Variants in BRI3 observed in about 807,000 individuals in gnomAD.
BRI3 encodes membrane protein BRI3.
Under a neutral mutation model 12.8 loss-of-function variants are expected in BRI3, and 6 were observed. That is an observed-to-expected ratio of 0.47 (90% CI 0.26 to 0.93). The LOEUF (loss-of-function observed/expected upper bound fraction) is 0.93. Among genes scored for constraint, BRI3 ranks in the 40% least tolerant of loss-of-function variants. The pLI, the probability that BRI3 is intolerant of heterozygous loss-of-function variation, is 0.15. For synonymous variants in BRI3, 91 were observed against 76.1 expected, an observed-to-expected ratio of 1.20 and a Z score of -1.02; for missense variants, 134 against 171.1, an observed-to-expected ratio of 0.78 and a Z score of 1.21.
chr7:98,311,788 C>T (rs529569069), downstream of BRI3, among the ~76,000 whole-genome samples: 77 of 152,112 alleles, frequency 5.1e-4, no homozygotes, highest in Admixed American at 2.2e-3. Context: ...CCCCAGTAAT[C>T]CCAGCTACTG....
chr7:98,320,180 A>G, the BRI3 span: 7 of 1,590,784 alleles, frequency 4.4e-6, no homozygotes, highest in East Asian at 2.2e-5. Flanking sequence ...TTTAAGCAAA[A>G]TAAGTTCTAA....
intron 1 of BRI3, 22 bp downstream of exon 1, chr7:98,281,959 C>T: frequency 7.8e-7 from 1 of 1,289,960 alleles, no homozygotes; most frequent in Non-Finnish European, 9.8e-7. Context: ...ACCAACTTTC[C>T]CCGCCGGCGG....
downstream of BRI3, among the ~76,000 whole-genome samples, chr7:98,296,080 AG>A: frequency 6.6e-6 from 1 of 152,226 alleles, no homozygotes; most frequent in East Asian, 1.9e-4. Flanking sequence ...TGGGAGAGTC[AG>A]AACCAGCTTC....
chr7:98,300,790 G>A (rs1200436633), intron 1 of BRI3, among the ~76,000 whole-genome samples: 1 of 152,128 alleles, frequency 6.6e-6, no homozygotes, highest in African/African-American at 2.4e-5. Context: ...CCAGGCAGCA[G>A]TGTGGAGGCT....
chr7:98,301,273 C>A (rs1800407757), intron 1 of BRI3, among the ~76,000 whole-genome samples: 1 of 152,216 alleles, frequency 6.6e-6, no homozygotes, highest in Non-Finnish European at 1.5e-5. Flanking sequence ...GATGGGCCTT[C>A]TCATCGATTT....
downstream of BRI3, chr7:98,292,167 C>G (rs900180595): frequency 1.9e-5 from 3 of 157,172 alleles, no homozygotes; most frequent in African/African-American, 7.2e-5. Flanking sequence ...TGTAACCTTT[C>G]CCAATCTCAG....
the BRI3 span, chr7:98,315,626 A>AG: frequency 1.9e-6 from 2 of 1,077,250 alleles, no homozygotes; most frequent in East Asian, 3.3e-5. Context: ...AAAAAAAAAA[A>AG]ATAATAATAA....
chr7:98,281,708 C>A lies in BRI3; in HGVS notation c.-88C>A. On this transcript the variant is annotated 5_prime_UTR_variant, in exon 1 of 3. Coordinates refer to ENST00000297290, the MANE Select transcript of BRI3 (RefSeq NM_015379.5). Reference sequence around the variant, plus strand: ...CTCAGAGGGGCCCGAGCCACCCGGTCCGCCGCGTCCCCGCCGCCGCCGCCG... The same window carrying A: ...CTCAGAGGGGCCCGAGCCACCCGGTACGCCGCGTCCCCGCCGCCGCCGCCG... The A allele has an allele frequency of 1.6e-6, 1 of 616,670 alleles. No individual in the cohort carries two copies. The highest frequency in any genetic ancestry group is 7.1e-5 in the South Asian group (1 of 14,080). 38.2% of individuals were successfully genotyped at this position (616,670 alleles called of 1,614,324 possible). A position where few individuals can be genotyped will look rare whatever the true frequency, so the allele number is the denominator to read the frequency against.
At chr7:98,322,273 T>G in the BRI3 span, among the ~76,000 whole-genome samples, 2 of 152,114 alleles carry the variant, frequency 1.3e-5, no homozygotes, top group East Asian at 3.8e-4. Context: ...TCTGAAGACA[T>G]CTGAGTCTGA....
intron 1 of BRI3, among the ~76,000 whole-genome samples, chr7:98,299,871 T>C (rs62478160): frequency 0.22 from 33,836 of 151,686 alleles, 4,286 homozygotes; most frequent in East Asian, 0.46. Flanking sequence ...TGAAACCCCG[T>C]ATCTACTAAA....
At chr7:98,317,239 A>G in the BRI3 span, 9 of 1,614,236 alleles carry the variant, frequency 5.6e-6, no homozygotes, top group Non-Finnish European at 6.8e-6. Context: ...TTGTGTTCAT[A>G]TTTGAGTGCG....
At position 98,281,723 on chromosome 7, in the gene BRI3, C is replaced by T; in HGVS notation, c.-73C>T. 2.4e-6 allele frequency: 2 copies of T among 829,780 alleles called. No homozygotes were observed. Among genetic ancestry groups the T allele is most frequent in the Non-Finnish European group, 2.9e-6 (2 of 693,746 alleles). 51.4% of individuals were successfully genotyped at this position (829,780 alleles called of 1,614,324 possible). A position where few individuals can be genotyped will look rare whatever the true frequency, so the allele number is the denominator to read the frequency against. Reference sequence around the variant, plus strand: ...GCCACCCGGTCCGCCGCGTCCCCGCCGCCGCCGCCGCGTCCCCCGCCGGGG... The same window carrying T: ...GCCACCCGGTCCGCCGCGTCCCCGCTGCCGCCGCCGCGTCCCCCGCCGGGG... On this transcript the variant is annotated 5_prime_UTR_variant, in exon 1 of 3. Transcript: ENST00000297290.
chr7:98,317,076 C>T, the BRI3 span: 1 of 1,039,534 alleles, frequency 9.6e-7, no homozygotes, highest in Non-Finnish European at 1.4e-6. Flanking sequence ...TGGTCTCGAA[C>T]TCCTGACCTC....
chr7:98,294,035 A>G (rs114306991), downstream of BRI3: 1,804 of 1,608,074 alleles, frequency 1.1e-3, 17 homozygotes, highest in African/African-American at 0.021. Flanking sequence ...GGGAAGAGCA[A>G]TGTCACACAC....
chr7:98,297,825 C>T (rs1319047931), downstream of BRI3, among the ~76,000 whole-genome samples: 5 of 152,160 alleles, frequency 3.3e-5, no homozygotes, highest in African/African-American at 7.2e-5. Flanking sequence ...CACGTGAGGG[C>T]GCGCTGTGAA....
At chr7:98,307,738 G>C (rs762994172) in exon 2 of BRI3, 13 of 1,614,094 alleles carry the variant, frequency 8.1e-6, no homozygotes, top group Non-Finnish European at 1.1e-5. Flanking sequence ...TTCTCCTCGG[G>C]GATGAGCAGC....
downstream of BRI3, among the ~76,000 whole-genome samples, chr7:98,297,063 A>G (rs34294017): frequency 0.069 from 10,508 of 152,300 alleles, 428 homozygotes; most frequent in Middle Eastern, 0.13. Flanking sequence ...TGTCCCCAAC[A>G]AGACAGGAGA....
intron 2 of BRI3, chr7:98,282,752 G>C: frequency 3.0e-6 from 1 of 337,450 alleles, no homozygotes. Context: ...GGGACTCGTG[G>C]TCCTTTCGTC....
At chr7:98,322,754 C>T in the BRI3 span, 2 of 152,500 alleles carry the variant, frequency 1.3e-5, no homozygotes, top group East Asian at 3.9e-4. Context: ...ATCCCTCATC[C>T]TCTCTCTGGA....
Sources: allele counts gnomAD v4.1 joint callset (sites outside exome capture counted in the v4.1 genomes callset), GRCh38; gene constraint gnomAD v4.1.1; transcripts MANE v1.5; gene names NCBI Gene and HGNC (gene_info 2026-07-23, HGNC 2026-07-21).